BBS5: variants seen among roughly 807,000 people sequenced by gnomAD.
The protein encoded by BBS5 is BBSome complex member BBS5.
Under a neutral mutation model 50.2 loss-of-function variants are expected in BBS5, and 39 were observed. The ratio of observed to expected loss-of-function variants is 0.78; its 90% CI spans 0.60 to 1.01. The LOEUF is 1.01. Among genes scored for constraint, BBS5 ranks in the 50% least tolerant of loss-of-function variants. The probability of loss-of-function intolerance (pLI) is 0.00; values close to 1 mark genes in which losing one functional copy is unlikely to be tolerated. For synonymous variants in BBS5, 134 were observed against 133.1 expected, an observed-to-expected ratio of 1.01 and a Z score of -0.05; for missense variants, 356 against 401.5, an observed-to-expected ratio of 0.89 and a Z score of 0.97.
At chr2:169,481,209 G>A (rs1683389466) in intron 1 of BBS5, among the ~76,000 whole-genome samples, 1 of 152,192 alleles carries the variant, frequency 6.6e-6, no homozygotes, top group African/African-American at 2.4e-5. Context: ...GCGAAAAGCT[G>A]AGACTCATAG....
chr2:169,503,252 G>T, intron 10 of BBS5, 74 bp downstream of exon 10: 15 of 1,154,806 alleles, frequency 1.3e-5, no homozygotes, highest in Non-Finnish European at 1.9e-5. Context: ...ATAATGGTGT[G>T]TGTGAAACAC....
chr2:169,504,191 T>C (rs1683858640), intron 10 of BBS5, 112 bp from the exon 11 acceptor site: 4 of 961,460 alleles, frequency 4.2e-6, no homozygotes, highest in Non-Finnish European at 6.7e-6. Context: ...AGTAACAGAA[T>C]GTGAAATACA....
chr2:169,504,761 G>T lies in BBS5; in HGVS notation c.*179G>T, dbSNP rs558876095. ...GAAAACTTCAGTTTTCGGCCAGCGCGTCGAGGGAGGGGCCAGCGACACATG... is the reference window on the plus strand; with the variant it reads ...GAAAACTTCAGTTTTCGGCCAGCGCTTCGAGGGAGGGGCCAGCGACACATG... On this transcript the variant is annotated 3_prime_UTR_variant, in exon 12 of 12. Transcript: ENST00000295240. 1 of 1,363,832 alleles carries T rather than the reference G, an allele frequency of 7.3e-7. No homozygotes were observed. Among genetic ancestry groups the T allele is most frequent in the Non-Finnish European group, 1.0e-6 (1 of 990,340 alleles). The allele number at this position is 1,363,832 out of a possible 1,614,324, so 84.5% of individuals were successfully genotyped here. A position where few individuals can be genotyped will look rare whatever the true frequency, so the allele number is the denominator to read the frequency against.
At chr2:169,481,949 G>A (rs114457862) in intron 1 of BBS5, among the ~76,000 whole-genome samples, 1 of 152,230 alleles carries the variant, frequency 6.6e-6, no homozygotes, top group Non-Finnish European at 1.5e-5. Flanking sequence ...CTTCTCCCAT[G>A]TCCTTACCAT....
rs1023220693 is a variant in BBS5 at position 169,479,718 on chromosome 2, G to T, written c.59+106G>T. 651 of 1,277,296 alleles carry T rather than the reference G, an allele frequency of 5.1e-4. 6 individuals carry two copies. The highest frequency in any genetic ancestry group is 1.9e-4 in the Non-Finnish European group (173 of 893,238). 79.1% of individuals were successfully genotyped at this position (1,277,296 alleles called of 1,614,324 possible). ...TGCACCTCCGCAGCTCGCGGCCCTG[G>T]TGAGGGTGGGAGGCTTGCGCCGGTC... is the stretch of plus-strand genomic sequence containing the variant. On this transcript the variant is annotated intron_variant, in intron 1 of 11. Transcript: ENST00000295240.
rs990775327 is a variant in BBS5, at chr2:169,491,535, T to C, written c.387-1339T>C. 5.9e-5 allele frequency among the ~76,000 whole-genome samples: 9 copies of C among 152,354 alleles called. No individual in the cohort carries two copies. In the East Asian group the frequency reaches 1.7e-3, roughly 29 times the overall value. ...GTTAAATAGGTAACTTAGCCTGTTTTATATGAAATATTAAAATTAATCAAA... is the reference window on the plus strand; with the variant it reads ...GTTAAATAGGTAACTTAGCCTGTTTCATATGAAATATTAAAATTAATCAAA... On this transcript the variant is annotated intron_variant, in intron 5 of 11. Coordinates refer to ENST00000295240, the MANE Select transcript of BBS5 (RefSeq NM_152384.3).
rs2105301646 is a variant in BBS5 at position 169,499,568 on chromosome 2, A to G, written c.764A>G (p.Lys255Arg). ...GTTAAGGAAATCAATTCACTTCACAAAGTCTATTCTGCCAGTCCCATATTT... is the reference window on the plus strand; with the variant it reads ...GTTAAGGAAATCAATTCACTTCACAGAGTCTATTCTGCCAGTCCCATATTT... The part of the protein sequence containing the change: ...ESVKEINSLH[K>R]VYSASPIFGV... The change falls in exon 9 of 12, where the codon AAA (lysine) becomes AGA (arginine). Residue 255 changes from lysine (K) to arginine (R), a missense_variant. Transcript: ENST00000295240. 1 of 1,613,900 alleles carries G rather than the reference A, an allele frequency of 6.2e-7. No individual in the cohort carries two copies. The highest frequency in any genetic ancestry group is 2.2e-5 in the East Asian group (1 of 44,846).
At chr2:169,502,133 G>A (rs1683817602) in intron 9 of BBS5, among the ~76,000 whole-genome samples, 1 of 152,038 alleles carries the variant, frequency 6.6e-6, no homozygotes, top group Non-Finnish European at 1.5e-5. Context: ...CTGCTTAATG[G>A]CTATATCTCC....
At chr2:169,504,181 A>G (rs1343394056) in intron 10 of BBS5, 122 bp from the exon 11 acceptor site, 9 of 893,562 alleles carry the variant, frequency 1.0e-5, no homozygotes, top group African/African-American at 3.3e-5. Context: ...AACATTACAC[A>G]GTAACAGAAT....
At chr2:169,502,308 T>C (rs767729872) in intron 9 of BBS5, among the ~76,000 whole-genome samples, 8 of 152,174 alleles carry the variant, frequency 5.3e-5, no homozygotes, top group Non-Finnish European at 1.2e-4. Flanking sequence ...ATTATCCTTA[T>C]CCCACAGTTA....
At chr2:169,496,732 A>G (rs531720648) in intron 7 of BBS5, among the ~76,000 whole-genome samples, 9 of 139,444 alleles carry the variant, frequency 6.5e-5, no homozygotes, top group African/African-American at 1.0e-4. Flanking sequence ...AGCCGGGCAT[A>G]GTGGCGGGCG....
At chr2:169,502,505 G>A (rs1451147843) in intron 9 of BBS5, among the ~76,000 whole-genome samples, 1 of 152,112 alleles carries the variant, frequency 6.6e-6, no homozygotes, top group East Asian at 1.9e-4. Flanking sequence ...ATAATATTTA[G>A]TTATCGGTCA....
chr2:169,501,855 A>G (rs1306610140), intron 9 of BBS5, among the ~76,000 whole-genome samples: 1 of 152,190 alleles, frequency 6.6e-6, no homozygotes, highest in Non-Finnish European at 1.5e-5. Context: ...TAGTTGCCCT[A>G]CGCATTCTCT....
intron 9 of BBS5, among the ~76,000 whole-genome samples, chr2:169,500,058 C>A (rs1683770911): frequency 6.6e-6 from 1 of 152,216 alleles, no homozygotes; most frequent in Non-Finnish European, 1.5e-5. Context: ...GCATCCATTC[C>A]TGTTGATCTG....
intron 2 of BBS5, among the ~76,000 whole-genome samples, chr2:169,484,246 G>A (rs1683453005): frequency 6.6e-6 from 1 of 152,092 alleles, no homozygotes; most frequent in African/African-American, 2.4e-5. Context: ...AGCCATGTGT[G>A]GTGTTGTGCG....
chr2:169,491,080 T>C (rs1683594650), intron 5 of BBS5, among the ~76,000 whole-genome samples: 1 of 152,230 alleles, frequency 6.6e-6, no homozygotes, highest in South Asian at 2.1e-4. Flanking sequence ...GATGGACATT[T>C]GGGTTTTTTA....
chr2:169,496,316 T>C (rs958920902), intron 7 of BBS5, among the ~76,000 whole-genome samples: 1 of 152,246 alleles, frequency 6.6e-6, no homozygotes, highest in Non-Finnish European at 1.5e-5. Context: ...ACATCACATT[T>C]ACCAGTTGAT....
At chr2:169,490,334 C>CGT (rs1683572541) in intron 5 of BBS5, among the ~76,000 whole-genome samples, 3 of 151,750 alleles carry the variant, frequency 2.0e-5, no homozygotes, top group Non-Finnish European at 4.4e-5. Context: ...GCTGGGACTA[C>CGT]AGGCGCCTGC....
intron 4 of BBS5, 49 bp downstream of exon 4, chr2:169,487,904 A>G: frequency 6.3e-7 from 1 of 1,581,752 alleles, no homozygotes; most frequent in South Asian, 1.1e-5. Flanking sequence ...AAGAAACTAG[A>G]TATTTGAGAT....
Sources: gnomAD v4.1 joint callset for allele counts (sites outside exome capture counted in the v4.1 genomes callset) on GRCh38, gnomAD v4.1.1 for gene constraint, MANE v1.5 for transcripts, NCBI Gene and HGNC (gene_info 2026-07-23, HGNC 2026-07-21) for gene names.